ESRRG: variants seen among roughly 807,000 people sequenced by gnomAD.
ESRRG encodes the protein estrogen related receptor gamma.
In ESRRG, 13 loss-of-function variants were observed where a neutral mutation model predicts 44.0. That is an observed-to-expected ratio of 0.30 (90% CI 0.19 to 0.47). The LOEUF (loss-of-function observed/expected upper bound fraction) is 0.47, where lower values mean the gene tolerates loss of function less well. ESRRG is among the 20% of genes least tolerant of loss of function. The pLI is 1.00. For missense variants in ESRRG, 395 were observed against 580.6 expected (o/e 0.68, Z 3.29); for synonymous variants, 215 against 214.6 (o/e 1.00, Z -0.02).
chr1:216,674,387 C>T (rs1479093563), intron 2 of ESRRG, among the ~76,000 whole-genome samples: 4 of 151,928 alleles, frequency 2.6e-5, no homozygotes, highest in Non-Finnish European at 5.9e-5. Context: ...AATAAAAATC[C>T]AGTAAATGAA....
At position 216,505,643 on chromosome 1, in the gene ESRRG, C is replaced by G. The variant is rs1261196611; in HGVS notation, c.*1296G>C. On this transcript the variant is annotated 3_prime_UTR_variant, in exon 7 of 7. Coordinates refer to ENST00000408911, the MANE Select transcript of ESRRG (RefSeq NM_001438.4). ...GTGCACTCCTGACAATTCTACGGAT[C>G]TATATCTCATGTGCAGTGCTTATAT... is the stretch of plus-strand genomic sequence containing the variant. The G allele has an allele frequency of 6.6e-6, 1 of 152,502 alleles. No homozygotes were observed. Among genetic ancestry groups the G allele is most frequent in the Non-Finnish European group, 1.5e-5 (1 of 68,032 alleles). The allele number at this position is 152,502 out of a possible 1,614,324, so 9.4% of individuals were successfully genotyped here. A position where few individuals can be genotyped will look rare whatever the true frequency, so the allele number is the denominator to read the frequency against.
Position 217,105,014 on chromosome 1 carries a change from A to T in ESRRG, c.-230+32653T>A, listed in dbSNP as rs73103069. 2.9e-3 allele frequency among the ~76,000 whole-genome samples: 440 copies of T among 152,256 alleles called. 2 individuals carry two copies. Among genetic ancestry groups the T allele is most frequent in the African/African-American group, 0.01 (423 of 41,540 alleles). On this transcript the variant is annotated intron_variant, in intron 1 of 8. Coordinates refer to the ESRRG transcript ENST00000366940. ...ATTCAGTTGGACAGTTAAGGGCAAG[A>T]TTCCATCTATTACCTATACTCTGTG...
At chr1:217,047,257 C>A (rs1445654058) in intron 1 of ESRRG, among the ~76,000 whole-genome samples, 1 of 152,046 alleles carries the variant, frequency 6.6e-6, no homozygotes, top group Non-Finnish European at 1.5e-5. Flanking sequence ...ATCTGTATAT[C>A]CTACTGATTA....
At chr1:217,041,034 C>T (rs979628718) in intron 1 of ESRRG, among the ~76,000 whole-genome samples, 12 of 152,156 alleles carry the variant, frequency 7.9e-5, no homozygotes, top group Non-Finnish European at 1.8e-4. Context: ...CCCTCAACAG[C>T]TCAGATAATC....
chr1:216,816,732 A>G (rs1449980813), intron 2 of ESRRG, among the ~76,000 whole-genome samples: 4 of 152,210 alleles, frequency 2.6e-5, no homozygotes, highest in Non-Finnish European at 5.9e-5. Flanking sequence ...TGAAGGGAAG[A>G]GAAATAAACG....
chr1:216,612,668 C>T (rs960635484), intron 3 of ESRRG, among the ~76,000 whole-genome samples: 8 of 152,128 alleles, frequency 5.3e-5, no homozygotes, highest in Admixed American at 2.0e-4. Flanking sequence ...ACATCAGTGT[C>T]GCAACCACAG....
intron 2 of ESRRG, among the ~76,000 whole-genome samples, chr1:216,751,831 T>C (rs948950136): frequency 6.6e-6 from 1 of 151,444 alleles, no homozygotes; most frequent in African/African-American, 2.4e-5. Flanking sequence ...TCAGCTGATA[T>C]ATATATTTTT....
chr1:216,691,903 G>A (rs753262725), intron 1 of ESRRG, among the ~76,000 whole-genome samples: 11 of 152,142 alleles, frequency 7.2e-5, no homozygotes, highest in Non-Finnish European at 1.0e-4. Context: ...CTATCACTTA[G>A]TGACGTCACA....
At chr1:216,920,496 A>G (rs2061703841) in intron 2 of ESRRG, among the ~76,000 whole-genome samples, 1 of 151,978 alleles carries the variant, frequency 6.6e-6, no homozygotes, top group South Asian at 2.1e-4. Flanking sequence ...TCATTATAAG[A>G]ATTAGATGAG....
At chr1:216,565,310 A>C (rs1192904739) in intron 4 of ESRRG, among the ~76,000 whole-genome samples, 1 of 152,160 alleles carries the variant, frequency 6.6e-6, no homozygotes, top group Non-Finnish European at 1.5e-5. Context: ...CAATTTCTAT[A>C]TGTAGCTTAA....
chr1:216,810,793 AATATATATAACTATGATATATATAC>A (rs1370709714), intron 2 of ESRRG, among the ~76,000 whole-genome samples: 3 of 148,344 alleles, frequency 2.0e-5, no homozygotes, highest in Non-Finnish European at 4.5e-5. Context: ...ATATTTAACT[AATATATATAACTATGATATATATAC>A]ATATATATAA....
At chr1:216,695,157 A>G (rs1422489788) in intron 1 of ESRRG, among the ~76,000 whole-genome samples, 1 of 152,118 alleles carries the variant, frequency 6.6e-6, no homozygotes, top group Non-Finnish European at 1.5e-5. Context: ...ATAATATATA[A>G]TAATTAGTCA....
intron 2 of ESRRG, among the ~76,000 whole-genome samples, chr1:216,826,107 A>G (rs2095388782): frequency 6.6e-6 from 1 of 151,950 alleles, no homozygotes; most frequent in Non-Finnish European, 1.5e-5. Flanking sequence ...ACGGACAGGC[A>G]GGTAGAGTTA....
At chr1:217,092,163 A>G (rs988365655), upstream of ESRRG, among the ~76,000 whole-genome samples, 2 of 152,192 alleles carry the variant, frequency 1.3e-5, no homozygotes, top group African/African-American at 4.8e-5. Flanking sequence ...AACTCTGCCT[A>G]GGAACCGCTC....
chr1:217,037,503 C>T (rs1330866233), intron 1 of ESRRG, among the ~76,000 whole-genome samples: 1 of 152,074 alleles, frequency 6.6e-6, no homozygotes, highest in South Asian at 2.1e-4. Context: ...CGGGAAAGAC[C>T]CAAACCCATG....
intron 3 of ESRRG, among the ~76,000 whole-genome samples, chr1:216,582,823 G>A (rs1381220867): frequency 6.6e-6 from 1 of 152,164 alleles, no homozygotes; most frequent in African/African-American, 2.4e-5. Flanking sequence ...CTTTGAAGTG[G>A]CAAAAGATGA....
chr1:216,566,693 G>C (rs759374121), intron 4 of ESRRG, among the ~76,000 whole-genome samples: 1 of 152,268 alleles, frequency 6.6e-6, no homozygotes, highest in South Asian at 2.1e-4. Flanking sequence ...TTATCAGAGA[G>C]GTTTTTTATT....
intron 2 of ESRRG, among the ~76,000 whole-genome samples, chr1:216,881,085 T>C (rs1184478506): frequency 1.3e-5 from 2 of 152,250 alleles, no homozygotes; most frequent in African/African-American, 2.4e-5. Context: ...TAAATGTTTC[T>C]ACTTTTATGT....
At chr1:217,064,746 G>A (rs1196176148) in intron 1 of ESRRG, among the ~76,000 whole-genome samples, 1 of 152,186 alleles carries the variant, frequency 6.6e-6, no homozygotes, top group East Asian at 1.9e-4. Flanking sequence ...CTTAGGCACA[G>A]AGAAGCCCGC....
Sources: allele counts gnomAD v4.1 joint callset (sites outside exome capture counted in the v4.1 genomes callset), GRCh38; gene constraint gnomAD v4.1.1; transcripts MANE v1.5; gene names NCBI Gene and HGNC (gene_info 2026-07-23, HGNC 2026-07-21).